The following NPR3 variants were observed in gnomAD, a reference collection of about 807,000 sequenced individuals.
The protein encoded by NPR3 is atrial natriuretic peptide receptor 3.
Under a neutral mutation model 54.5 loss-of-function variants are expected in NPR3, and 34 were observed. The ratio of observed to expected loss-of-function variants is 0.62; its 90% CI spans 0.47 to 0.83. The LOEUF is 0.83. Among genes scored for constraint, NPR3 ranks in the 40% least tolerant of loss-of-function variants. The probability of loss-of-function intolerance (pLI) is 0.00; values close to 1 mark genes in which losing one functional copy is unlikely to be tolerated. For missense variants in NPR3, 674 were observed against 720.8 expected, an observed-to-expected ratio of 0.94 and a Z score of 0.74; for synonymous variants, 289 against 297.1, an observed-to-expected ratio of 0.97 and a Z score of 0.28.
upstream of NPR3, among the ~76,000 whole-genome samples, chr5:32,711,068 G>C (rs1738194741): frequency 6.6e-6 from 1 of 152,152 alleles, no homozygotes; most frequent in Non-Finnish European, 1.5e-5. Context: ...GGCGATTTCA[G>C]CTTTAAGGAA....
intron 3 of NPR3, among the ~76,000 whole-genome samples, chr5:32,749,486 G>A (rs973079): frequency 0.28 from 42,289 of 152,002 alleles, 6,115 homozygotes; most frequent in African/African-American, 0.34. Flanking sequence ...CAGAAGCTCT[G>A]TGTGTATGAG....
At chr5:32,748,627 C>T (rs986861182) in intron 3 of NPR3, among the ~76,000 whole-genome samples, 1 of 152,308 alleles carries the variant, frequency 6.6e-6, no homozygotes, top group Admixed American at 6.5e-5. Flanking sequence ...AGTGCTTCTT[C>T]TTGGCTGAAC....
intron 4 of NPR3, among the ~76,000 whole-genome samples, chr5:32,775,747 G>C (rs1742012340): frequency 6.6e-6 from 1 of 152,046 alleles, no homozygotes; most frequent in Non-Finnish European, 1.5e-5. Context: ...ACAAGCGTGT[G>C]CCATCACGCC....
At chr5:32,745,608 A>G (rs1430739113) in intron 3 of NPR3, among the ~76,000 whole-genome samples, 2 of 152,220 alleles carry the variant, frequency 1.3e-5, no homozygotes, top group Non-Finnish European at 2.9e-5. Flanking sequence ...TAAGGGGGCA[A>G]ACCCATGACC....
At chr5:32,734,681 T>C (rs942980684) in intron 2 of NPR3, among the ~76,000 whole-genome samples, 2 of 152,268 alleles carry the variant, frequency 1.3e-5, no homozygotes, top group African/African-American at 4.8e-5. Flanking sequence ...TGGAACTTTC[T>C]GCAATGATGG....
intron 3 of NPR3, among the ~76,000 whole-genome samples, chr5:32,743,814 T>C (rs1740153581): frequency 6.6e-6 from 1 of 152,096 alleles, no homozygotes; most frequent in South Asian, 2.1e-4. Context: ...TAGGGTTGTT[T>C]AGGGCTAGTC....
chr5:32,712,667 G>T lies in NPR3; in HGVS notation c.769+122G>T, dbSNP rs984904138. ...TGCGGCGCTGAGGTCGGGTGCGCGC[G>T]GGCACTCGTTCAGGTATGCGCCGTG... On this transcript the variant is annotated intron_variant, in intron 1 of 7. Coordinates refer to ENST00000265074, the MANE Select transcript of NPR3 (RefSeq NM_001204375.2). 4.2e-6 allele frequency: 4 copies of T among 944,326 alleles called. No homozygotes were observed. In the African/African-American group the frequency reaches 6.6e-5, roughly 15 times the overall value. 58.5% of individuals were successfully genotyped at this position (944,326 alleles called of 1,614,324 possible).
chr5:32,761,051 T>C (rs999486740), intron 3 of NPR3, among the ~76,000 whole-genome samples: 24 of 152,312 alleles, frequency 1.6e-4, no homozygotes, highest in African/African-American at 5.8e-4. Context: ...AGTTCTACAC[T>C]GTCTTGAAAA....
At chr5:32,708,246 G>A (rs144537822), upstream of NPR3, among the ~76,000 whole-genome samples, 35 of 151,970 alleles carry the variant, frequency 2.3e-4, no homozygotes, top group Admixed American at 1.6e-3. Context: ...TCTTTTGAAT[G>A]TTAAAAAAAT....
intron 3 of NPR3, among the ~76,000 whole-genome samples, chr5:32,750,919 G>A (rs901247550): frequency 6.6e-6 from 1 of 152,134 alleles, no homozygotes; most frequent in African/African-American, 2.4e-5. Flanking sequence ...CAACAAAAAG[G>A]GTGGTGTCTT....
At chr5:32,724,580 A>T in intron 1 of NPR3, 118 bp from the exon 2 acceptor site, 1 of 1,139,170 alleles carries the variant, frequency 8.8e-7, no homozygotes. Context: ...GATTGTGAGG[A>T]GATACTTCAG....
rs372143651 is a variant in NPR3, at chr5:32,786,285, C to A, written c.1566C>A (p.Asn522Lys). Reference protein sequence around the residue: ...IERRTQQEESNLGKHRELRED... With the variant: ...IERRTQQEESKLGKHRELRED... Reference sequence around the variant, plus strand: ...GGCGAACCCAGCAAGAAGAAAGTAACCTTGGAAAACATCGGGAATTACGGG... The same window carrying A: ...GGCGAACCCAGCAAGAAGAAAGTAAACTTGGAAAACATCGGGAATTACGGG... Residue 522 changes from asparagine (N) to lysine (K), a missense_variant, in exon 8 of 8, where the codon AAC becomes AAA. Asn to Lys is a moderately conservative substitution (Grantham distance 94, BLOSUM62 0). Transcript: ENST00000265074. 6.3e-7 allele frequency: 1 copy of A among 1,591,912 alleles called. No individual in the cohort carries two copies. The highest frequency in any genetic ancestry group is 8.6e-7 in the Non-Finnish European group (1 of 1,163,212).
At chr5:32,715,959 A>G (rs1025855547) in intron 1 of NPR3, among the ~76,000 whole-genome samples, 1 of 152,228 alleles carries the variant, frequency 6.6e-6, no homozygotes, top group Non-Finnish European at 1.5e-5. Context: ...GTCTGGGGTA[A>G]ATGACCGAGT....
At chr5:32,723,822 G>A (rs1453617346) in intron 1 of NPR3, among the ~76,000 whole-genome samples, 1 of 151,776 alleles carries the variant, frequency 6.6e-6, no homozygotes. Context: ...ATGATTTCAA[G>A]TATCTCCCTG....
Position 32,711,740 on chromosome 5 carries a change from T to TCGG in NPR3, c.-28_-26dup, listed in dbSNP as rs1738244133. ...GGGTGGGTGGGGGGCAGAGGGCGAG[T>TCGG]CGGCGGCGGCGAGGGCAAGCTCTTT... On this transcript the variant is annotated 5_prime_UTR_variant, in exon 1 of 8. Transcript: ENST00000265074. 6 of 1,403,428 alleles carry TCGG rather than the reference T, an allele frequency of 4.3e-6. No homozygotes were observed. 86.9% of individuals were successfully genotyped at this position (1,403,428 alleles called of 1,614,324 possible). A position where few individuals can be genotyped will look rare whatever the true frequency, so the allele number is the denominator to read the frequency against.
chr5:32,751,381 T>A (rs1258752625), intron 3 of NPR3, among the ~76,000 whole-genome samples: 2 of 152,166 alleles, frequency 1.3e-5, no homozygotes, highest in East Asian at 3.8e-4. Flanking sequence ...ATGAATCCAC[T>A]CTGTAGCAAT....
intron 3 of NPR3, among the ~76,000 whole-genome samples, chr5:32,770,707 A>G (rs570816940): frequency 3.8e-4 from 58 of 152,258 alleles, no homozygotes; most frequent in African/African-American, 1.3e-3. Flanking sequence ...TTTGGTGGAG[A>G]TTGGAAACTG....
In NPR3 at chr5:32,722,890, C is replaced by T. The variant is rs977369008; in HGVS notation, c.770-1808C>T. ...GTATACCTATACTTTCAGGCAGAAG[C>T]AACACCTACTCCCATACTTGTAGAT... On this transcript the variant is annotated intron_variant, in intron 1 of 7. Coordinates refer to ENST00000265074, the MANE Select transcript of NPR3 (RefSeq NM_001204375.2). Among the ~76,000 whole-genome samples the T allele has an allele frequency of 2.6e-5, 4 of 152,202 alleles. No individual in the cohort carries two copies. The South Asian group carries it at 8.3e-4, about 32-fold the overall frequency.
chr5:32,741,986 A>G (rs1740061019), intron 3 of NPR3, among the ~76,000 whole-genome samples: 1 of 151,688 alleles, frequency 6.6e-6, no homozygotes, highest in South Asian at 2.1e-4. Context: ...TATGGGAGCC[A>G]AAGAGCCAGC....
Sources: allele counts gnomAD v4.1 joint callset (sites outside exome capture counted in the v4.1 genomes callset), GRCh38; gene constraint gnomAD v4.1.1; transcripts MANE v1.5; gene names NCBI Gene and HGNC (gene_info 2026-07-23, HGNC 2026-07-21).